The following RGS7 variants were observed in gnomAD, a reference collection of about 807,000 sequenced individuals.
RGS7 encodes regulator of G-protein signaling 7.
A neutral mutation model predicts 81.1 loss-of-function variants in RGS7; 27 were observed. The ratio of observed to expected loss-of-function variants is 0.33; its 90% CI spans 0.25 to 0.46. The LOEUF (loss-of-function observed/expected upper bound fraction) is 0.46, where lower values mean the gene tolerates loss of function less well. RGS7 is among the 20% of genes least tolerant of loss of function. The pLI, the probability that RGS7 is intolerant of heterozygous loss-of-function variation, is 1.00. For missense variants in RGS7, 396 were observed against 607.4 expected, an observed-to-expected ratio of 0.65 and a Z score of 3.66; for synonymous variants, 208 against 207.7, an observed-to-expected ratio of 1.00 and a Z score of -0.01.
intron 3 of RGS7, among the ~76,000 whole-genome samples, chr1:241,004,593 G>A (rs751561758): frequency 2.0e-5 from 3 of 152,170 alleles, no homozygotes; most frequent in Non-Finnish European, 4.4e-5. Flanking sequence ...CAAAGATATA[G>A]AGGAAATTGT....
chr1:241,214,578 C>A (rs1042120375), intron 2 of RGS7, among the ~76,000 whole-genome samples: 1 of 152,070 alleles, frequency 6.6e-6, no homozygotes, highest in Non-Finnish European at 1.5e-5. Context: ...AGAATTTCTT[C>A]AACTATTTTT....
intron 2 of RGS7, among the ~76,000 whole-genome samples, chr1:241,141,936 C>T (rs769311472): frequency 7.2e-5 from 11 of 152,230 alleles, no homozygotes; most frequent in Non-Finnish European, 1.2e-4. Flanking sequence ...TCCTAGACAC[C>T]GTGATGGTAC....
chr1:240,859,352 G>C (rs1272088501), intron 9 of RGS7, among the ~76,000 whole-genome samples: 1 of 150,852 alleles, frequency 6.6e-6, no homozygotes, highest in African/African-American at 2.4e-5. Context: ...TAAGATGTAG[G>C]CCTTCTCATT....
In RGS7 at chr1:241,081,978, T is replaced by C. The variant is rs2063158840; in HGVS notation, c.175+16688A>G. ...GTAAAGGATAGCATAATAGAACCAT[T>C]TCAGTCAATCAACACAGTTGGTAGT... On this transcript the variant is annotated intron_variant, in intron 3 of 18. Coordinates refer to ENST00000440928, the MANE Select transcript of RGS7 (RefSeq NM_001364886.1). Among the ~76,000 whole-genome samples the C allele has an allele frequency of 2.0e-5, 3 of 152,168 alleles. No homozygotes were observed. In the South Asian group the frequency reaches 6.2e-4, roughly 32 times the overall value.
At chr1:240,813,503 A>G in intron 13 of RGS7, 115 bp downstream of exon 13, 1 of 723,016 alleles carries the variant, frequency 1.4e-6, no homozygotes, top group Non-Finnish European at 2.5e-6. Context: ...ATATAGGCCA[A>G]TGTAGATAAA....
intron 2 of RGS7, among the ~76,000 whole-genome samples, chr1:241,230,919 A>G (rs2075626381): frequency 6.6e-6 from 1 of 152,220 alleles, no homozygotes; most frequent in Admixed American, 6.5e-5. Flanking sequence ...GTGGACATCA[A>G]GATGCAAGTT....
Position 241,306,181 on chromosome 1 carries a change from C to T in RGS7, c.78+49518G>A, listed in dbSNP as rs549831494. Among the ~76,000 whole-genome samples the T allele has an allele frequency of 3.6e-4, 54 of 151,032 alleles. 1 individual carries two copies. The highest frequency in any genetic ancestry group is 1.3e-3 in the African/African-American group (54 of 41,084). On this transcript the variant is annotated intron_variant, in intron 2 of 18. Coordinates refer to ENST00000440928, the MANE Select transcript of RGS7 (RefSeq NM_001364886.1). ...ACGTCCACACACATTCACACACCCTCCCATGCACAAATACACACACAGGTC... is the reference window on the plus strand; with the variant it reads ...ACGTCCACACACATTCACACACCCTTCCATGCACAAATACACACACAGGTC...
chr1:240,985,594 A>G (rs1408691465), intron 3 of RGS7, among the ~76,000 whole-genome samples: 1 of 152,166 alleles, frequency 6.6e-6, no homozygotes, highest in Non-Finnish European at 1.5e-5. Flanking sequence ...ATTTAATTGG[A>G]CTTGACCAAC....
At chr1:241,073,696 T>C (rs1397350641) in intron 3 of RGS7, among the ~76,000 whole-genome samples, 1 of 152,004 alleles carries the variant, frequency 6.6e-6, no homozygotes, top group Non-Finnish European at 1.5e-5. Context: ...GGTCTGGGAG[T>C]AAGAAAAAGA....
intron 4 of RGS7, among the ~76,000 whole-genome samples, chr1:240,946,223 TC>T (rs1391255858): frequency 6.6e-6 from 1 of 151,710 alleles, no homozygotes; most frequent in Non-Finnish European, 1.5e-5. Context: ...CCCTCAAAAA[TC>T]CCCCCCTCTT....
intron 2 of RGS7, among the ~76,000 whole-genome samples, chr1:241,120,400 T>G (rs563472199): frequency 6.6e-6 from 1 of 152,270 alleles, no homozygotes; most frequent in African/African-American, 2.4e-5. Flanking sequence ...CAGGCTGGAG[T>G]GCAGTGGCAC....
chr1:240,998,918 C>T (rs1290320969), intron 3 of RGS7: 1 of 364,276 alleles, frequency 2.7e-6, no homozygotes, highest in Non-Finnish European at 5.3e-6. Context: ...CCTTTCATAA[C>T]TCCAATGGCA....
At chr1:241,112,913 G>A (rs1375863197) in intron 2 of RGS7, among the ~76,000 whole-genome samples, 1 of 152,150 alleles carries the variant, frequency 6.6e-6, no homozygotes, top group Non-Finnish European at 1.5e-5. Context: ...TGACTTTTCT[G>A]ACTTGCCTTT....
intron 2 of RGS7, among the ~76,000 whole-genome samples, chr1:241,287,694 T>C (rs953074313): frequency 5.9e-5 from 9 of 151,972 alleles, no homozygotes; most frequent in Admixed American, 3.3e-4. Flanking sequence ...ACCTCTCTGG[T>C]TATCCTTAAT....
chr1:241,157,347 G>A (rs1463940957), intron 2 of RGS7, among the ~76,000 whole-genome samples: 1 of 152,200 alleles, frequency 6.6e-6, no homozygotes, highest in Non-Finnish European at 1.5e-5. Context: ...AGTGAACGGG[G>A]AGAGGACTTG....
At chr1:241,311,076 A>G (rs1486828542) in intron 2 of RGS7, among the ~76,000 whole-genome samples, 1 of 152,224 alleles carries the variant, frequency 6.6e-6, no homozygotes, top group Non-Finnish European at 1.5e-5. Context: ...TATCTTCCTC[A>G]AAGCAGTTAT....
chr1:240,939,799 G>A (rs980678104), intron 4 of RGS7, among the ~76,000 whole-genome samples: 43 of 152,120 alleles, frequency 2.8e-4, no homozygotes, highest in Non-Finnish European at 6.0e-4. Context: ...GGCTGGATGC[G>A]GTGGCTCATG....
chr1:241,189,953 T>A (rs58474067), intron 2 of RGS7, among the ~76,000 whole-genome samples: 4,790 of 152,008 alleles, frequency 0.032, 238 homozygotes, highest in African/African-American at 0.11. Flanking sequence ...AATACAAAAA[T>A]TTAGCCGGGC....
intron 2 of RGS7, among the ~76,000 whole-genome samples, chr1:241,126,476 G>C (rs80244991): frequency 1.3e-5 from 2 of 151,990 alleles, no homozygotes; most frequent in Non-Finnish European, 2.9e-5. Flanking sequence ...TCTGTAATGG[G>C]GCATGGGAGT....
Sources: gnomAD v4.1 joint callset for allele counts (sites outside exome capture counted in the v4.1 genomes callset) on GRCh38, gnomAD v4.1.1 for gene constraint, MANE v1.5 for transcripts, NCBI Gene and HGNC (gene_info 2026-07-23, HGNC 2026-07-21) for gene names.